Variants in C12orf60 observed in about 807,000 individuals in gnomAD.
C12orf60 encodes chromosome 12 open reading frame 60.
For missense variants in C12orf60, 284 were observed against 283.2 expected, an observed-to-expected ratio of 1.00 and a Z score of -0.02; for synonymous variants, 102 against 94.6, an observed-to-expected ratio of 1.08 and a Z score of -0.45.
intron 1 of C12orf60, among the ~76,000 whole-genome samples, chr12:14,822,464 G>C (rs371781937): frequency 6.6e-6 from 1 of 152,100 alleles, no homozygotes; most frequent in Non-Finnish European, 1.5e-5. Flanking sequence ...TTATCTGATA[G>C]TGATTTTATA....
Position 14,823,625 on chromosome 12 carries a change from G to T in C12orf60, c.690G>T (p.Lys230Asn). The T allele has an allele frequency of 2.5e-6, 4 of 1,599,016 alleles. No homozygotes were observed. The highest frequency in any genetic ancestry group is 2.3e-5 in the South Asian group (2 of 87,610). ...TAGAGATCCTCCAAAAAGCGATAAA[G>T]ACTATGGAAATGAATATTTCTGTGT... ...PILEILQKAI[K>N]TMEMNISVFK... Residue 230 changes from lysine (K) to asparagine (N), a missense_variant, in exon 2 of 2, where the codon AAG becomes AAT. Transcript: ENST00000330828.
intron 1 of C12orf60, 45 bp from the exon 2 acceptor site, chr12:14,822,867 A>C (rs1592243967): frequency 6.7e-7 from 1 of 1,483,700 alleles, no homozygotes; most frequent in Non-Finnish European, 9.0e-7. Context: ...TATGGTTGCC[A>C]AATCGACTTT....
At chr12:14,807,624 A>G (rs1047763857) in intron 1 of C12orf60, among the ~76,000 whole-genome samples, 33 of 152,236 alleles carry the variant, frequency 2.2e-4, no homozygotes, top group African/African-American at 8.0e-4. Context: ...ATATCATGCT[A>G]GAATCTTTAA....
chr12:14,823,515 G>T lies in C12orf60; in HGVS notation c.580G>T (p.Val194Leu), dbSNP rs1197223740. The T allele has an allele frequency of 1.2e-6, 2 of 1,613,370 alleles. No individual in the cohort carries two copies. Among genetic ancestry groups the T allele is most frequent in the South Asian group, 2.2e-5 (2 of 90,812 alleles). ...MIDTLKKLQD[V>L]LKTEDSKNPT... is the part of the protein sequence containing the mutation. ...AGACACCTTGAAAAAACTGCAGGAT[G>T]TACTAAAAACTGAGGATTCCAAAAA... The change falls in exon 2 of 2, where the codon GTA becomes TTA. Residue 194 changes from valine to leucine, a missense_variant. Physicochemically the swap from Val to Leu is conservative, Grantham distance 32 (BLOSUM62 1). Transcript: ENST00000330828.
At chr12:14,805,910 G>T in intron 1 of C12orf60, 2 of 1,242,246 alleles carry the variant, frequency 1.6e-6, no homozygotes, top group Non-Finnish European at 2.3e-6. Flanking sequence ...AGTCCATATT[G>T]GAAGCCTATA....
chr12:14,823,640 T>C lies in C12orf60; in HGVS notation c.705T>C (p.Asn235=). 6 of 1,578,998 alleles carry C rather than the reference T, an allele frequency of 3.8e-6. 2 individuals carry two copies. The South Asian group carries it at 7.1e-5, about 19-fold the overall frequency. ...AAGCGATAAAGACTATGGAAATGAA[T>C]ATTTCTGTGTTTAAGAAAGCCAGTG... ...LQKAIKTMEM[N]ISVFKKASDK The change falls in exon 2 of 2, where the codon AAT becomes AAC. Residue 235 remains asparagine (N), a synonymous_variant. Transcript: ENST00000330828.
chr12:14,810,602 C>A (rs1349764196), intron 1 of C12orf60, among the ~76,000 whole-genome samples: 1 of 152,094 alleles, frequency 6.6e-6, no homozygotes, highest in Admixed American at 6.5e-5. Context: ...ATTAAAGGTA[C>A]ACTTGGTATT....
Position 14,823,071 on chromosome 12 carries a change from C to T in C12orf60, c.136C>T (p.Leu46Phe). 1 of 1,614,104 alleles carries T rather than the reference C, an allele frequency of 6.2e-7. No individual in the cohort carries two copies. Among genetic ancestry groups the T allele is most frequent in the Non-Finnish European group, 8.5e-7 (1 of 1,179,996 alleles). Residue 46 changes from leucine (L) to phenylalanine (F), a missense_variant, in exon 2 of 2, where the codon CTT (leucine) becomes TTT (phenylalanine). Transcript: ENST00000330828. ...TAGCCGCAGTATGAATACTCAAATCCTTTTGATGGCTGTGAAAAACAATAG... is the reference window on the plus strand; with the variant it reads ...TAGCCGCAGTATGAATACTCAAATCTTTTTGATGGCTGTGAAAAACAATAG... ...LFSRSMNTQI[L>F]LMAVKNNSYI... is the part of the protein sequence containing the mutation.
At chr12:14,814,308 G>T (rs887048604) in intron 1 of C12orf60, 4 of 152,128 alleles carry the variant, frequency 2.6e-5, no homozygotes, top group Admixed American at 2.6e-4. Context: ...TTGGCCCTCA[G>T]AATTCCTTCA....
chr12:14,821,838 C>T (rs904118970), intron 1 of C12orf60, among the ~76,000 whole-genome samples: 10 of 151,910 alleles, frequency 6.6e-5, no homozygotes, highest in Non-Finnish European at 1.3e-4. Context: ...GAGAAAGAAG[C>T]CTGCAAGGTC....
chr12:14,819,654 C>T (rs969080408), intron 1 of C12orf60, among the ~76,000 whole-genome samples: 1 of 152,018 alleles, frequency 6.6e-6, no homozygotes, highest in African/African-American at 2.4e-5. Flanking sequence ...TAAGAGCCCT[C>T]TATGATTAAG....
chr12:14,814,942 A>G (rs961391682), intron 1 of C12orf60, among the ~76,000 whole-genome samples: 2 of 152,214 alleles, frequency 1.3e-5, no homozygotes, highest in African/African-American at 4.8e-5. Flanking sequence ...ATGTAATCCT[A>G]AGAAAGTCAC....
intron 1 of C12orf60, among the ~76,000 whole-genome samples, chr12:14,809,129 G>T (rs967833108): frequency 6.6e-6 from 1 of 152,116 alleles, no homozygotes; most frequent in African/African-American, 2.4e-5. Flanking sequence ...TCCTGAAAAA[G>T]TTCAAAATAT....
At chr12:14,806,491 C>T in intron 1 of C12orf60, 1 of 1,614,114 alleles carries the variant, frequency 6.2e-7, no homozygotes, top group Non-Finnish European at 8.5e-7. Context: ...TCACAGTTTT[C>T]TTTGATGGTC....
intron 1 of C12orf60, chr12:14,806,362 T>A (rs1337023974): frequency 1.2e-6 from 2 of 1,614,120 alleles, no homozygotes. Flanking sequence ...ATTTTGTCTG[T>A]TTCCTTTTCC....
rs983249458 is a variant in C12orf60 at position 14,803,744 on chromosome 12, G to C, written c.-32G>C. ...TGGAGGCATCTTGACTTAGTTGCTG[G>C]GAGCCTGGTACGTTGAGCCGTCCGA... On this transcript the variant is annotated 5_prime_UTR_variant, in exon 1 of 2. Coordinates refer to ENST00000330828, the MANE Select transcript of C12orf60 (RefSeq NM_175874.4). The C allele has an allele frequency of 2.7e-6, 1 of 366,690 alleles. No homozygotes were observed. 22.7% of individuals were successfully genotyped at this position (366,690 alleles called of 1,614,324 possible). A position where few individuals can be genotyped will look rare whatever the true frequency, so the allele number is the denominator to read the frequency against.
chr12:14,806,939 C>T (rs1259549840), intron 1 of C12orf60, among the ~76,000 whole-genome samples: 2 of 152,206 alleles, frequency 1.3e-5, no homozygotes. Flanking sequence ...TCTAGCAATT[C>T]TCCTGCCTCA....
chr12:14,807,715 C>G (rs77083560), intron 1 of C12orf60, among the ~76,000 whole-genome samples: 42 of 152,202 alleles, frequency 2.8e-4, no homozygotes, highest in Non-Finnish European at 5.6e-4. Context: ...AGGCACTATA[C>G]AGGGCACAGT....
Position 14,807,127 on chromosome 12 carries a change from C to T in C12orf60, c.-25+3376C>T, listed in dbSNP as rs549197642. Among the ~76,000 whole-genome samples the T allele has an allele frequency of 2.6e-4, 40 of 152,288 alleles. No individual in the cohort carries two copies. In the South Asian group the frequency reaches 7.3e-3, roughly 28 times the overall value. ...GATTACAGGCGTGAGCCACTGTGCC[C>T]GCCCTCAGCAGGTTCTTTAAAACAG... On this transcript the variant is annotated intron_variant, in intron 1 of 1. Coordinates refer to ENST00000330828, the MANE Select transcript of C12orf60 (RefSeq NM_175874.4).
Sources: gnomAD v4.1 joint callset for allele counts (sites outside exome capture counted in the v4.1 genomes callset) on GRCh38, gnomAD v4.1.1 for gene constraint, MANE v1.5 for transcripts, NCBI Gene and HGNC (gene_info 2026-07-23, HGNC 2026-07-21) for gene names.